The following SLC24A2 variants were observed in gnomAD, a reference collection of about 807,000 sequenced individuals.
SLC24A2 encodes the protein sodium/potassium/calcium exchanger 2.
A neutral mutation model predicts 62.0 loss-of-function variants in SLC24A2; 36 were observed. That is an observed-to-expected ratio of 0.58 (90% CI 0.44 to 0.77). The LOEUF (loss-of-function observed/expected upper bound fraction) is 0.77, where lower values mean the gene tolerates loss of function less well. SLC24A2 is among the 30% of genes least tolerant of loss of function. The pLI is 0.00. For missense variants in SLC24A2, 846 were observed against 817.9 expected (o/e 1.03, Z -0.42); for synonymous variants, 358 against 294.0 (o/e 1.22, Z -2.23).
chr9:19,610,530 A>T (rs1837126626), intron 4 of SLC24A2, among the ~76,000 whole-genome samples: 1 of 152,246 alleles, frequency 6.6e-6, no homozygotes, highest in Non-Finnish European at 1.5e-5. Context: ...GAGAGGAACA[A>T]GGAGATGGAA....
At chr9:20,136,100 G>C in the SLC24A2 span, among the ~76,000 whole-genome samples, 1 of 152,092 alleles carries the variant, frequency 6.6e-6, no homozygotes, top group African/African-American at 2.4e-5. Flanking sequence ...TATAGAACAA[G>C]TAAACCCCAC....
the SLC24A2 span, among the ~76,000 whole-genome samples, chr9:20,069,928 T>A: frequency 6.6e-6 from 1 of 152,158 alleles, no homozygotes; most frequent in Non-Finnish European, 1.5e-5. Flanking sequence ...AAAATATTTG[T>A]TTTAAAAACC....
chr9:19,998,921 CCA>C, the SLC24A2 span, among the ~76,000 whole-genome samples: 4 of 152,160 alleles, frequency 2.6e-5, no homozygotes, highest in Non-Finnish European at 5.9e-5. Flanking sequence ...CTAAAGCCAC[CCA>C]CAGAAGAATC....
At chr9:19,850,962 T>C in the SLC24A2 span, among the ~76,000 whole-genome samples, 17 of 23,532 alleles carry the variant, frequency 7.2e-4, no homozygotes, top group Middle Eastern at 0.029. Flanking sequence ...TATATATATA[T>C]ATATGTATAT....
chr9:19,649,787 T>C (rs1818746751), intron 2 of SLC24A2, among the ~76,000 whole-genome samples: 1 of 152,224 alleles, frequency 6.6e-6, no homozygotes, highest in Non-Finnish European at 1.5e-5. Context: ...ACTTGTCCAA[T>C]TAGCACAGTT....
intron 2 of SLC24A2, among the ~76,000 whole-genome samples, chr9:19,763,282 T>G (rs968795626): frequency 2.6e-5 from 4 of 152,222 alleles, no homozygotes; most frequent in Non-Finnish European, 5.9e-5. Context: ...TTTGACTTTC[T>G]CTTTTCCTAT....
the SLC24A2 span, among the ~76,000 whole-genome samples, chr9:19,956,971 G>A: frequency 2.0e-5 from 3 of 152,154 alleles, no homozygotes; most frequent in Non-Finnish European, 4.4e-5. Flanking sequence ...GCTTGGTCTT[G>A]GACTTCCCAG....
At chr9:20,139,556 TTA>T in the SLC24A2 span, among the ~76,000 whole-genome samples, 1 of 152,214 alleles carries the variant, frequency 6.6e-6, no homozygotes, top group Non-Finnish European at 1.5e-5. Flanking sequence ...TATAGACACT[TTA>T]TGTGTGCCTT....
At chr9:19,964,662 G>T in the SLC24A2 span, among the ~76,000 whole-genome samples, 1 of 152,130 alleles carries the variant, frequency 6.6e-6, no homozygotes, top group Admixed American at 6.5e-5. Context: ...ATGTTTCTAG[G>T]CTGGGTGGGG....
the SLC24A2 span, among the ~76,000 whole-genome samples, chr9:20,262,635 T>G: frequency 6.6e-6 from 1 of 152,202 alleles, no homozygotes; most frequent in African/African-American, 2.4e-5. Flanking sequence ...TTATGAAACC[T>G]TATCATGAGC....
chr9:20,272,430 T>C, the SLC24A2 span, among the ~76,000 whole-genome samples: 1 of 152,182 alleles, frequency 6.6e-6, no homozygotes, highest in African/African-American at 2.4e-5. Flanking sequence ...AATTTTTTAT[T>C]CCAACTCCAC....
the SLC24A2 span, among the ~76,000 whole-genome samples, chr9:19,816,954 C>A: frequency 2.6e-5 from 4 of 152,224 alleles, no homozygotes; most frequent in African/African-American, 7.2e-5. Flanking sequence ...CTCTGCCACT[C>A]CATGATGTAC....
the SLC24A2 span, among the ~76,000 whole-genome samples, chr9:19,811,289 G>C: frequency 6.6e-6 from 1 of 152,268 alleles, no homozygotes; most frequent in Admixed American, 6.5e-5. Flanking sequence ...CCCCTAGATT[G>C]TGAGAAATAA....
At chr9:19,841,723 C>T in the SLC24A2 span, among the ~76,000 whole-genome samples, 6 of 152,138 alleles carry the variant, frequency 3.9e-5, no homozygotes, top group Admixed American at 3.3e-4. Context: ...AGGTATATGG[C>T]TGGATCTCTC....
the SLC24A2 span, among the ~76,000 whole-genome samples, chr9:20,106,843 G>A: frequency 1.3e-5 from 2 of 151,966 alleles, no homozygotes; most frequent in South Asian, 4.2e-4. Context: ...TGGAAGTTCT[G>A]GCCAGGGCAA....
chr9:19,894,007 C>T, the SLC24A2 span, among the ~76,000 whole-genome samples: 5 of 152,178 alleles, frequency 3.3e-5, no homozygotes, highest in East Asian at 1.9e-4. Context: ...TTGCAACCAT[C>T]GATCCGAGCT....
At chr9:20,063,328 T>A in the SLC24A2 span, among the ~76,000 whole-genome samples, 4,906 of 151,048 alleles carry the variant, frequency 0.032, 108 homozygotes, top group South Asian at 0.079. Context: ...AATGATGAGT[T>A]CATGTCCTTT....
chr9:20,068,701 C>T, the SLC24A2 span, among the ~76,000 whole-genome samples: 1 of 152,114 alleles, frequency 6.6e-6, no homozygotes, highest in Non-Finnish European at 1.5e-5. Context: ...GTGGAAGTGT[C>T]ATGACCCTAA....
At chr9:19,628,729 G>A (rs1027788110) in intron 2 of SLC24A2, among the ~76,000 whole-genome samples, 1 of 152,192 alleles carries the variant, frequency 6.6e-6, no homozygotes, top group Non-Finnish European at 1.5e-5. Context: ...AAGACAGGAG[G>A]TGTCCAACCT....
Sources: gnomAD v4.1 joint callset for allele counts (sites outside exome capture counted in the v4.1 genomes callset) on GRCh38, gnomAD v4.1.1 for gene constraint, MANE v1.5 for transcripts, NCBI Gene and HGNC (gene_info 2026-07-23, HGNC 2026-07-21) for gene names.